Variants in OPRM1 observed in about 807,000 individuals in gnomAD.
OPRM1 encodes mu-type opioid receptor.
In OPRM1, 27 loss-of-function variants were observed where a neutral mutation model predicts 31.8. The observed-to-expected ratio is 0.85, with a 90% CI of 0.63 to 1.17. The LOEUF is 1.17. Ranked by LOEUF, OPRM1 falls within the 50% of genes most tolerant of loss-of-function variation. The probability of loss-of-function intolerance (pLI) is 0.00; values close to 1 mark genes in which losing one functional copy is unlikely to be tolerated. For synonymous variants in OPRM1, 196 were observed against 189.9 expected, an observed-to-expected ratio of 1.03 and a Z score of -0.26; for missense variants, 536 against 511.1, an observed-to-expected ratio of 1.05 and a Z score of -0.47.
At chr6:154,040,904 C>T (rs1779922498) in intron 1 of OPRM1, among the ~76,000 whole-genome samples, 1 of 151,740 alleles carries the variant, frequency 6.6e-6, no homozygotes, top group African/African-American at 2.4e-5. Context: ...ATGTGAAATG[C>T]CATATATCTG....
At chr6:154,149,208 C>T (rs539895897) in intron 3 of OPRM1, among the ~76,000 whole-genome samples, 3 of 152,194 alleles carry the variant, frequency 2.0e-5, no homozygotes, top group Non-Finnish European at 2.9e-5. Flanking sequence ...ACTTAACAAT[C>T]GTGGTAGAAG....
intron 3 of OPRM1, among the ~76,000 whole-genome samples, chr6:154,139,808 T>G (rs368838267): frequency 3.3e-5 from 5 of 152,128 alleles, no homozygotes; most frequent in African/African-American, 7.2e-5. Context: ...TGCTAGAAAT[T>G]TGATCAAATG....
intron 1 of OPRM1, among the ~76,000 whole-genome samples, chr6:154,066,847 AACC>A (rs76610555): frequency 9.2e-5 from 14 of 152,176 alleles, no homozygotes; most frequent in Non-Finnish European, 1.6e-4. Flanking sequence ...TTGTTGTTAA[AACC>A]ACTCAATGTA....
At chr6:154,147,109 A>G (rs1798378307) in intron 3 of OPRM1, among the ~76,000 whole-genome samples, 1 of 152,164 alleles carries the variant, frequency 6.6e-6, no homozygotes, top group South Asian at 2.1e-4. Flanking sequence ...CAACTGCTCC[A>G]GGGAAGCAGC....
chr6:154,118,659 T>C, intron 3 of OPRM1, 24 bp from the exon 4 acceptor site: 1 of 1,611,950 alleles, frequency 6.2e-7, no homozygotes. Flanking sequence ...ATGTTCACTG[T>C]CTTTGCTCTT....
At chr6:154,149,736 C>T (rs1433061955) in intron 3 of OPRM1, among the ~76,000 whole-genome samples, 2 of 152,018 alleles carry the variant, frequency 1.3e-5, no homozygotes, top group African/African-American at 2.4e-5. Flanking sequence ...TTCCAAGATC[C>T]ATATGGTTGG....
intron 3 of OPRM1, chr6:154,093,195 TTTTGC>T (rs1792683333): frequency 1.5e-6 from 2 of 1,291,916 alleles, no homozygotes; most frequent in Admixed American, 2.1e-5. Context: ...GGATAAAATA[TTTTGC>T]TTTGAAGTAA....
At chr6:154,242,839 G>A (rs1367043610) in intron 3 of OPRM1, among the ~76,000 whole-genome samples, 1 of 152,064 alleles carries the variant, frequency 6.6e-6, no homozygotes, top group East Asian at 1.9e-4. Context: ...AGTGAGCCGA[G>A]ATAACACCAT....
chr6:154,027,312 C>G (rs1778751392), intron 1 of OPRM1, among the ~76,000 whole-genome samples: 2 of 139,974 alleles, frequency 1.4e-5, no homozygotes, highest in Non-Finnish European at 3.1e-5. Context: ...TTTCCTGTTA[C>G]TTTCTCCAAA....
chr6:154,208,581 G>T (rs1233778882), intron 3 of OPRM1, among the ~76,000 whole-genome samples: 1 of 152,216 alleles, frequency 6.6e-6, no homozygotes, highest in Non-Finnish European at 1.5e-5. Context: ...ATTCACTGAT[G>T]TGTTCCAAGT....
intron 1 of OPRM1, among the ~76,000 whole-genome samples, chr6:154,057,707 G>A (rs145973983): frequency 3.2e-4 from 48 of 152,174 alleles, no homozygotes; most frequent in Middle Eastern, 6.8e-3. Context: ...TAAGGATATC[G>A]GCACAGAAGA....
In OPRM1 at chr6:154,128,145, A is replaced by G. The variant is rs540995055; in HGVS notation, c.*9424A>G. Among the ~76,000 whole-genome samples, 3 of 152,302 alleles carry G rather than the reference A, an allele frequency of 2.0e-5. No individual in the cohort carries two copies. The highest frequency in any genetic ancestry group is 4.8e-5 in the African/African-American group (2 of 41,566). On this transcript the variant is annotated 3_prime_UTR_variant, in exon 4 of 4. Coordinates refer to ENST00000330432, the MANE Select transcript of OPRM1 (RefSeq NM_000914.5). ...CAAGTGTTCTCAGGATCCCCTTGCT[A>G]CCTGTAATTCAATCATATAACTTCT...
chr6:154,184,454 G>C (rs568431479), intron 3 of OPRM1, among the ~76,000 whole-genome samples: 1 of 149,636 alleles, frequency 6.7e-6, no homozygotes, highest in Non-Finnish European at 1.5e-5. Context: ...GGAAAAACAG[G>C]CTACAGATGG....
intron 3 of OPRM1, chr6:154,214,201 T>C (rs1385930997): frequency 1.3e-6 from 2 of 1,564,874 alleles, no homozygotes; most frequent in Non-Finnish European, 1.8e-6. Flanking sequence ...TTTTCAGAAA[T>C]TTAAAATAGA....
At chr6:154,213,059 T>C (rs1778098288) in intron 3 of OPRM1, 1 of 541,600 alleles carries the variant, frequency 1.8e-6, no homozygotes, top group Non-Finnish European at 3.3e-6. Context: ...GCTCCTGACC[T>C]CAAAGAGCAT....
downstream of OPRM1, among the ~76,000 whole-genome samples, chr6:154,132,847 C>T (rs768117076): frequency 2.0e-5 from 3 of 152,142 alleles, no homozygotes; most frequent in African/African-American, 2.4e-5. Flanking sequence ...AACGGCTGGG[C>T]GTGGTGGCTC....
exon 1 of OPRM1, chr6:154,010,636 T>C: frequency 1.3e-6 from 2 of 1,498,080 alleles, no homozygotes; most frequent in South Asian, 1.3e-5. Context: ...TGCACTAAGT[T>C]TGCATCCTGA....
intron 3 of OPRM1, among the ~76,000 whole-genome samples, chr6:154,191,678 A>G (rs1583755837): frequency 1.2e-5 from 1 of 83,702 alleles, no homozygotes. Flanking sequence ...TGCCTCAACA[A>G]CAACAACAAC....
intron 3 of OPRM1, among the ~76,000 whole-genome samples, chr6:154,204,582 A>T (rs1777332664): frequency 6.6e-6 from 1 of 152,188 alleles, no homozygotes; most frequent in African/African-American, 2.4e-5. Flanking sequence ...CTTCTCTGTC[A>T]CTGACCTTCT....
Sources: allele counts gnomAD v4.1 joint callset (sites outside exome capture counted in the v4.1 genomes callset), GRCh38; gene constraint gnomAD v4.1.1; transcripts MANE v1.5; gene names NCBI Gene and HGNC (gene_info 2026-07-23, HGNC 2026-07-21).